FBN2: variants seen among roughly 807,000 people sequenced by gnomAD.
The protein encoded by FBN2 is fibrillin-2.
FBN2 carries 105 observed loss-of-function variants against 355.6 expected under a neutral mutation model. That is an observed-to-expected ratio of 0.30 (90% CI 0.25 to 0.35). FBN2 has a LOEUF of 0.35. FBN2 is among the 10% of genes least tolerant of loss of function. The pLI, the probability that FBN2 is intolerant of heterozygous loss-of-function variation, is 1.00. For missense variants in FBN2, 3,280 were observed against 3,758.7 expected (o/e 0.87, Z 3.33); for synonymous variants, 1,350 against 1,301.2 (o/e 1.04, Z -0.81).
chr5:128,482,611 A>G (rs1388240564), intron 5 of FBN2, among the ~76,000 whole-genome samples: 1 of 151,914 alleles, frequency 6.6e-6, no homozygotes, highest in Non-Finnish European at 1.5e-5. Context: ...CATTTTTTGC[A>G]TGTGTGTCTG....
At chr5:128,467,989 G>A (rs546248402) in intron 5 of FBN2, among the ~76,000 whole-genome samples, 23 of 151,948 alleles carry the variant, frequency 1.5e-4, no homozygotes, top group Admixed American at 1.2e-3. Flanking sequence ...ACCATAATTC[G>A]CCTGTTTTAA....
chr5:128,432,065 C>G (rs1334028096), intron 7 of FBN2, among the ~76,000 whole-genome samples: 21 of 152,154 alleles, frequency 1.4e-4, no homozygotes, highest in Non-Finnish European at 1.2e-4. Context: ...AAACTCCAAT[C>G]ATTTAAAACT....
chr5:128,427,610 C>A (rs1753515965), intron 7 of FBN2, among the ~76,000 whole-genome samples: 2 of 152,210 alleles, frequency 1.3e-5, no homozygotes, highest in Non-Finnish European at 2.9e-5. Context: ...TAATCAATTG[C>A]AAATTGGAAA....
intron 43 of FBN2, 62 bp downstream of exon 43, chr5:128,305,761 T>C: frequency 1.9e-6 from 3 of 1,604,040 alleles, no homozygotes; most frequent in South Asian, 1.1e-5. Flanking sequence ...TCAGAAACCA[T>C]CTAAATGCTA....
intron 22 of FBN2, 151 bp from the exon 23 acceptor site, chr5:128,349,623 C>T: frequency 2.0e-6 from 2 of 1,013,960 alleles, no homozygotes; most frequent in Non-Finnish European, 3.0e-6. Flanking sequence ...AACCGAGCCA[C>T]CCGCTTTCCT....
Position 128,304,938 on chromosome 5 carries a change from AG to A in FBN2, c.5800+18del, listed in dbSNP as rs1561759706. 4.3e-6 allele frequency: 7 copies of A among 1,613,768 alleles called. No homozygotes were observed. The Admixed American group carries it at 1.2e-4, about 27-fold the overall frequency. The stretch of plus-strand genomic sequence containing the variant: ...ACCCCAGCCCCACTTCACTCCCTGG[AG>A]CCACATGCCCTTCTTACCCATGCAC... On this transcript the variant is annotated intron_variant, in intron 45 of 64. Transcript: ENST00000262464.
intron 2 of FBN2, among the ~76,000 whole-genome samples, chr5:128,534,169 A>G (rs79374497): frequency 0.026 from 3,891 of 152,186 alleles, 170 homozygotes; most frequent in African/African-American, 0.09. Flanking sequence ...TTTGTATTTT[A>G]TTTATTTTCT....
chr5:128,382,641 T>G (rs1752262222), intron 11 of FBN2, among the ~76,000 whole-genome samples: 2 of 152,120 alleles, frequency 1.3e-5, no homozygotes, highest in African/African-American at 4.8e-5. Flanking sequence ...AATCTGCACC[T>G]TCTTATACAT....
At chr5:128,534,857 TC>T (rs142228622) in intron 2 of FBN2, among the ~76,000 whole-genome samples, 2,471 of 152,336 alleles carry the variant, frequency 0.016, 70 homozygotes, top group African/African-American at 0.055. Context: ...TCGGCTGCTC[TC>T]CAACTCAATA....
intron 5 of FBN2, among the ~76,000 whole-genome samples, chr5:128,472,183 A>G (rs1194533603): frequency 3.3e-5 from 5 of 152,200 alleles, no homozygotes; most frequent in Non-Finnish European, 7.3e-5. Context: ...TCAGCCTTAG[A>G]AAGGAAGAAA....
intron 11 of FBN2, among the ~76,000 whole-genome samples, chr5:128,383,225 G>T (rs1246160954): frequency 6.6e-6 from 1 of 151,916 alleles, no homozygotes; most frequent in Non-Finnish European, 1.5e-5. Flanking sequence ...TTTCAACAAG[G>T]TGCAAAGGCA....
chr5:128,262,099 T>A lies in FBN2; in HGVS notation c.8193-192A>T, dbSNP rs200702211. Among the ~76,000 whole-genome samples the A allele has an allele frequency of 9.2e-5, 14 of 152,342 alleles. No homozygotes were observed. The East Asian group carries it at 2.7e-3, about 29-fold the overall frequency. ...CAGGGTCTTGCTCTGTTTCCCAAGC[T>A]GGAGTACAGTGGCACGATCTTGCTC... On this transcript the variant is annotated intron_variant, in intron 63 of 64. Transcript: ENST00000262464.
chr5:128,432,764 G>A (rs902916911), intron 7 of FBN2, among the ~76,000 whole-genome samples: 1 of 151,972 alleles, frequency 6.6e-6, no homozygotes, highest in African/African-American at 2.4e-5. Context: ...TGCATTTAGG[G>A]TGTTGTATTA....
At chr5:128,390,573 A>G (rs79727348) in intron 11 of FBN2, among the ~76,000 whole-genome samples, 3 of 152,168 alleles carry the variant, frequency 2.0e-5, no homozygotes, top group Non-Finnish European at 2.9e-5. Context: ...CCTTGAATAT[A>G]CATTTTTAAA....
rs764861283 is a variant in FBN2 at position 128,357,433 on chromosome 5, A to G, written c.2555-38T>C. 106 of 1,612,882 alleles carry G rather than the reference A, an allele frequency of 6.6e-5. 1 individual carries two copies. In the South Asian group the frequency reaches 1.1e-3, roughly 17 times the overall value. On this transcript the variant is annotated intron_variant, in intron 19 of 64. Transcript: ENST00000262464. Reference sequence around the variant, plus strand: ...AGGAAAAGATTCTGTTAGAACTGCCATGTGTTTCTGGAAAATATTATTCCA... The same window carrying G: ...AGGAAAAGATTCTGTTAGAACTGCCGTGTGTTTCTGGAAAATATTATTCCA...
intron 34 of FBN2, 63 bp downstream of exon 34, chr5:128,328,633 G>A: frequency 1.9e-6 from 3 of 1,581,152 alleles, no homozygotes; most frequent in Non-Finnish European, 1.7e-6. Context: ...TCCAGCCCTT[G>A]TTGTGGTTTC....
At chr5:128,497,318 T>G (rs1755681894) in intron 5 of FBN2, among the ~76,000 whole-genome samples, 1 of 152,150 alleles carries the variant, frequency 6.6e-6, no homozygotes. Flanking sequence ...TCCTCAGAGA[T>G]TTGTGGATTA....
At chr5:128,333,961 T>A (rs1462628416) in intron 31 of FBN2, among the ~76,000 whole-genome samples, 1 of 151,800 alleles carries the variant, frequency 6.6e-6, no homozygotes, top group Non-Finnish European at 1.5e-5. Flanking sequence ...AGGGGTCAGC[T>A]TAAGGGCTGG....
chr5:128,458,349 C>T (rs1001867105), intron 6 of FBN2, among the ~76,000 whole-genome samples: 8 of 151,876 alleles, frequency 5.3e-5, no homozygotes, highest in Admixed American at 3.3e-4. Flanking sequence ...GACTTCCACA[C>T]AATAATAGTG....
Sources: allele counts gnomAD v4.1 joint callset (sites outside exome capture counted in the v4.1 genomes callset), GRCh38; gene constraint gnomAD v4.1.1; transcripts MANE v1.5; gene names NCBI Gene and HGNC (gene_info 2026-07-23, HGNC 2026-07-21).